DNAH6: variants seen among roughly 807,000 people sequenced by gnomAD.
DNAH6 encodes dynein axonemal heavy chain 6, also known as axonemal beta dynein heavy chain 6.
Under a neutral mutation model 491.4 loss-of-function variants are expected in DNAH6, and 340 were observed. The observed-to-expected ratio is 0.69, with a 90% CI of 0.63 to 0.76. The LOEUF is 0.76. DNAH6 is among the 30% of genes least tolerant of loss of function. DNAH6 has a pLI of 0.00. For missense variants in DNAH6, 4,443 were observed against 4,972.2 expected (o/e 0.89, Z 3.20); for synonymous variants, 1,603 against 1,686.1 (o/e 0.95, Z 1.21).
chr2:84,809,212 A>G (rs1449292991), intron 72 of DNAH6, among the ~76,000 whole-genome samples: 1 of 152,264 alleles, frequency 6.6e-6, no homozygotes, highest in Non-Finnish European at 1.5e-5. Flanking sequence ...GATAAGAGAA[A>G]AAGAATAACT....
chr2:84,547,133 C>T, intron 5 of DNAH6, 135 bp from the exon 6 acceptor site: 1 of 662,418 alleles, frequency 1.5e-6, no homozygotes, highest in South Asian at 2.5e-5. Flanking sequence ...TTAACATATG[C>T]ATTTTGTAGT....
intron 69 of DNAH6, 141 bp downstream of exon 69, chr2:84,796,566 C>T: frequency 1.7e-6 from 1 of 575,986 alleles, no homozygotes; most frequent in Non-Finnish European, 2.9e-6. Flanking sequence ...GCTTGGCCAC[C>T]TTCAGAGCTG....
chr2:84,804,027 T>C (rs1338916817), intron 70 of DNAH6, among the ~76,000 whole-genome samples: 2 of 152,036 alleles, frequency 1.3e-5, no homozygotes, highest in Non-Finnish European at 2.9e-5. Context: ...GCCAACATGG[T>C]GAAACCCTGT....
rs1365129790 is a variant in DNAH6, at chr2:84,601,025, ATGT to A, written c.2869-3312_2869-3310del. ...ATACTATAATAATATTATAATAATA[ATGT>A]TATTATTATACTATAATAATAATGT... is the stretch of plus-strand genomic sequence containing the variant. On this transcript the variant is annotated intron_variant, in intron 18 of 76. Coordinates refer to ENST00000389394, the MANE Select transcript of DNAH6 (RefSeq NM_001370.2). Among the ~76,000 whole-genome samples, 13 of 146,316 alleles carry A rather than the reference ATGT, an allele frequency of 8.9e-5. 1 individual carries two copies. Among genetic ancestry groups the A allele is most frequent in the Admixed American group, 3.4e-4 (5 of 14,612 alleles).
Position 84,693,735 on chromosome 2 carries a change from CA to C in DNAH6, c.7293-498del, listed in dbSNP as rs33923012. On this transcript the variant is annotated intron_variant, in intron 45 of 76. Coordinates refer to ENST00000389394, the MANE Select transcript of DNAH6 (RefSeq NM_001370.2). ...TGGGCAACAGAGCAAGACTCTATCT[CA>C]AAAAAAAAAAAAAAATTCCTGTTAA... 6.3e-3 allele frequency among the ~76,000 whole-genome samples: 845 copies of C among 133,596 alleles called. 3 individuals are homozygous for C. The highest frequency in any genetic ancestry group is 0.012 in the African/African-American group (441 of 37,030). The allele number at this position is 133,596 out of a possible 152,430, so 87.6% of individuals were successfully genotyped here.
the DNAH6 span, among the ~76,000 whole-genome samples, chr2:84,474,734 T>C: frequency 8.5e-5 from 13 of 152,194 alleles, no homozygotes; most frequent in Admixed American, 6.5e-5. Context: ...TTTGAAAAAC[T>C]TCTGAGGCAG....
In DNAH6 at chr2:84,697,630, T is replaced by A; in HGVS notation, c.7580T>A (p.Val2527Glu). 6.4e-7 allele frequency: 1 copy of A among 1,551,958 alleles called. No homozygotes were observed. The highest frequency in any genetic ancestry group is 8.7e-7 in the Non-Finnish European group (1 of 1,147,022). The stretch of plus-strand genomic sequence containing the variant: ...AATAACATCCTGAACTCAGGTGAAG[T>A]GCCTAATTTATTTGAAAAGGATGAA... Reference protein sequence around the residue: ...DINNILNSGEVPNLFEKDELE... With the variant: ...DINNILNSGEEPNLFEKDELE... Residue 2527 changes from valine (V) to glutamate (E), a missense_variant, in exon 47 of 77, where the codon GTG (valine) becomes GAG (glutamate). Physicochemically the swap from Val to Glu is moderately radical, Grantham distance 121 (BLOSUM62 -2). Around this residue, in one of 3 missense-constraint regions of DNAH6, gnomAD observed 2,977 missense variants for 3,296.6 expected, o/e 0.90. Coordinates refer to ENST00000389394, the MANE Select transcript of DNAH6 (RefSeq NM_001370.2).
chr2:84,642,285 G>A (rs1689488151), intron 33 of DNAH6, among the ~76,000 whole-genome samples: 2 of 152,108 alleles, frequency 1.3e-5, no homozygotes, highest in South Asian at 4.1e-4. Flanking sequence ...ACTATGTGCT[G>A]TACAACTTAG....
chr2:84,710,256 CA>C (rs1696901847), intron 55 of DNAH6, 30 bp from the exon 56 acceptor site: 3 of 1,542,240 alleles, frequency 1.9e-6, no homozygotes, highest in Middle Eastern at 3.4e-4. Context: ...TGCTCTGAAG[CA>C]AATGTTCTGC....
intron 60 of DNAH6, 70 bp downstream of exon 60, chr2:84,722,874 G>C: frequency 2.1e-6 from 2 of 962,314 alleles, no homozygotes; most frequent in Admixed American, 3.6e-5. Context: ...ATTACTTCTT[G>C]CTTCACATAA....
At chr2:84,777,824 A>T in intron 64 of DNAH6, 3 of 1,171,678 alleles carry the variant, frequency 2.6e-6, no homozygotes, top group Non-Finnish European at 3.9e-6. Context: ...ATAGGTCAAG[A>T]TATCCACTGG....
intron 63 of DNAH6, among the ~76,000 whole-genome samples, chr2:84,745,970 T>C (rs192467908): frequency 1.5e-4 from 23 of 152,132 alleles, no homozygotes; most frequent in African/African-American, 5.1e-4. Flanking sequence ...ACAGAGGTAG[T>C]AGATTAGAGA....
At chr2:84,750,179 TGTTTG>T (rs1382056224) in intron 63 of DNAH6, among the ~76,000 whole-genome samples, 3 of 151,530 alleles carry the variant, frequency 2.0e-5, no homozygotes, top group African/African-American at 7.3e-5. Context: ...TTTTTTTGTT[TGTTTG>T]GTTTGGTTTT....
At position 84,745,195 on chromosome 2, in the gene DNAH6, A is replaced by G. The variant is rs1297842321; in HGVS notation, c.10458A>G (p.Ala3486=). The G allele has an allele frequency of 1.3e-6, 2 of 1,545,176 alleles. No individual in the cohort carries two copies. Among genetic ancestry groups the G allele is most frequent in the East Asian group, 2.5e-5 (1 of 40,768 alleles). The stretch of plus-strand genomic sequence containing the variant: ...CAGCACACCAAGATCCATGGAGTGC[A>G]GGATTGAGTTCTTTCCATAAGCTAA... The part of the protein sequence containing the change: ...KEAAHQDPWS[A]GLSSFHKLIL... The change falls in exon 63 of 77, where the codon GCA becomes GCG. Residue 3486 remains alanine (A), a synonymous_variant. Coordinates refer to ENST00000389394, the MANE Select transcript of DNAH6 (RefSeq NM_001370.2).
chr2:84,472,806 T>A, the DNAH6 span, among the ~76,000 whole-genome samples: 8 of 152,230 alleles, frequency 5.3e-5, no homozygotes, highest in Non-Finnish European at 1.2e-4. Context: ...ATGTGAGTGA[T>A]ATAGAAAGGT....
chr2:84,756,616 G>A (rs543139737), intron 63 of DNAH6, among the ~76,000 whole-genome samples: 15 of 152,184 alleles, frequency 9.9e-5, no homozygotes, highest in Non-Finnish European at 1.5e-4. Flanking sequence ...GGATGAGCAG[G>A]GAATCCTTAT....
At chr2:84,767,643 C>T (rs1675215812) in intron 64 of DNAH6, among the ~76,000 whole-genome samples, 1 of 151,464 alleles carries the variant, frequency 6.6e-6, no homozygotes, top group Non-Finnish European at 1.5e-5. Flanking sequence ...AGAGACAAAA[C>T]AATAGAAAAG....
Position 84,594,009 on chromosome 2 carries a change from G to T in DNAH6, c.2648G>T (p.Ser883Ile), listed in dbSNP as rs753320573. The T allele has an allele frequency of 6.4e-6, 10 of 1,550,678 alleles. No individual in the cohort carries two copies. The highest frequency in any genetic ancestry group is 8.7e-6 in the Non-Finnish European group (10 of 1,146,396). The part of the protein sequence containing the change: ...VSKFEALEEV[S>I]AELKLKQLLW... ...AAGTTTGAAGCTTTGGAAGAAGTCA[G>T]TGCTGAACTGAAGCTCAAACAATTG... Residue 883 changes from serine to isoleucine, a missense_variant, in exon 17 of 77, where the codon AGT (serine) becomes ATT (isoleucine). By Grantham distance (142) the Ser-to-Ile change is moderately radical. This residue lies in a region of DNAH6 where 2,977 missense variants were observed against 3,296.6 expected (regional missense o/e 0.90). Transcript: ENST00000389394.
intron 33 of DNAH6, among the ~76,000 whole-genome samples, chr2:84,647,042 T>G (rs184837894): frequency 2.6e-3 from 396 of 152,210 alleles, no homozygotes; most frequent in African/African-American, 9.0e-3. Context: ...AGACAGAGTT[T>G]CACCATGTTG....
Sources: gnomAD v4.1 joint callset for allele counts (sites outside exome capture counted in the v4.1 genomes callset) on GRCh38, gnomAD v4.1.1 for gene constraint, gnomAD v4.1.1 regional missense constraint, MANE v1.5 for transcripts, NCBI Gene and HGNC (gene_info 2026-07-23, HGNC 2026-07-21) for gene names.